Variants in SHANK1 observed in about 807,000 individuals in gnomAD.
SHANK1 encodes SH3 and multiple ankyrin repeat domains 1, also known as SH3 and multiple ankyrin repeat domains protein 1.
A neutral mutation model predicts 165.6 loss-of-function variants in SHANK1; 35 were observed. That is an observed-to-expected ratio of 0.21 (90% CI 0.16 to 0.28). The LOEUF (loss-of-function observed/expected upper bound fraction) is 0.28, where lower values mean the gene tolerates loss of function less well. SHANK1 is among the 10% of genes least tolerant of loss of function. The probability of loss-of-function intolerance (pLI) is 1.00; values close to 1 mark genes in which losing one functional copy is unlikely to be tolerated. For missense variants in SHANK1, 2,681 were observed against 3,036.4 expected (o/e 0.88, Z 2.75); for synonymous variants, 1,428 against 1,384.8 (o/e 1.03, Z -0.69).
At position 50,697,021 on chromosome 19, in the gene SHANK1, A is replaced by G. The variant is rs1986762369; in HGVS notation, c.1964+75T>C. On this transcript the variant is annotated intron_variant, in intron 15 of 23. Transcript: ENST00000293441. The surrounding 1 kb of genome is among the most constrained non-coding windows in gnomAD (Gnocchi z 4.7). ...AGAAACCTCAGCTCTGGTCGTGCAC[A>G]CACGTTCACACGCCCCCCAGGCACC... 8.1e-7 allele frequency: 1 copy of G among 1,231,134 alleles called. No homozygotes were observed. Among genetic ancestry groups the G allele is most frequent in the Non-Finnish European group, 1.2e-6 (1 of 834,688 alleles). 76.3% of individuals were successfully genotyped at this position (1,231,134 alleles called of 1,614,324 possible).
chr19:50,668,896 G>T lies in SHANK1; in HGVS notation c.3064C>A (p.His1022Asn). The T allele has an allele frequency of 7.6e-7, 1 of 1,313,060 alleles. No individual in the cohort carries two copies. The highest frequency in any genetic ancestry group is 9.7e-7 in the Non-Finnish European group (1 of 1,032,860). The allele number at this position is 1,313,060 out of a possible 1,614,324, so 81.3% of individuals were successfully genotyped here. The stretch of plus-strand genomic sequence containing the variant: ...CCGCCTGTCTCCATCTCGGGAGGAT[G>T]AGGGGGGTGGGCGTGGTGGTGGTGG... ...QPHHHHAHPP[H>N]PPEMETGGSP... The change falls in exon 23 of 24, where the codon CAT (histidine) becomes AAT (asparagine). Residue 1022 changes from histidine to asparagine, a missense_variant. By Grantham distance (68) the His-to-Asn change is moderately conservative (BLOSUM62 1). Coordinates refer to ENST00000293441, the MANE Select transcript of SHANK1 (RefSeq NM_016148.5).
Position 50,704,417 on chromosome 19 carries a change from C to A in SHANK1, c.1155+20G>T. ...TTCCTTAGCCCTGGAAACTCCAGCA[C>A]ATCCCCTGCAGCCCCAGACCTGGAA... On this transcript the variant is annotated intron_variant, in intron 9 of 23. Transcript: ENST00000293441. 6.2e-7 allele frequency: 1 copy of A among 1,611,818 alleles called. No homozygotes were observed. The highest frequency in any genetic ancestry group is 8.5e-7 in the Non-Finnish European group (1 of 1,177,944).
Position 50,668,856 on chromosome 19 carries a change from G to A in SHANK1, c.3104C>T (p.Pro1035Leu). 1.0e-5 allele frequency: 13 copies of A among 1,285,548 alleles called. No homozygotes were observed. In the South Asian group the frequency reaches 1.1e-4, roughly 11 times the overall value. 79.6% of individuals were successfully genotyped at this position (1,285,548 alleles called of 1,614,324 possible). ...GGGCCCCAGAGCCAGGCGGGGTGGA[G>A]GGTCGTCGGGAGAGCCGCCTGTCTC... ...EMETGGSPDD[P>L]PPRLALGPQP... The change falls in exon 23 of 24, where the codon CCT (proline) becomes CTT (leucine). Residue 1035 changes from proline to leucine, a missense_variant. Physicochemically the swap from Pro to Leu is moderately conservative, Grantham distance 98. Coordinates refer to ENST00000293441, the MANE Select transcript of SHANK1 (RefSeq NM_016148.5).
At chr19:50,695,263 G>T (rs866366492) in intron 15 of SHANK1, among the ~76,000 whole-genome samples, 11 of 146,300 alleles carry the variant, frequency 7.5e-5, no homozygotes, top group South Asian at 4.2e-4. Context: ...GGGCGCGGGG[G>T]CGCGGGGCGC....
intron 23 of SHANK1, among the ~76,000 whole-genome samples, chr19:50,663,449 C>T (rs1481173517): frequency 6.6e-6 from 1 of 152,188 alleles, no homozygotes; most frequent in Admixed American, 6.5e-5. Flanking sequence ...CAGCTGCTCC[C>T]TCTCCACTTT....
rs373751537 is a variant in SHANK1 at position 50,716,311 on chromosome 19, G to A, written c.423C>T (p.Tyr141=). The A allele has an allele frequency of 1.2e-6, 2 of 1,614,142 alleles. No individual in the cohort carries two copies. Among genetic ancestry groups the A allele is most frequent in the South Asian group, 1.1e-5 (1 of 91,084 alleles). The change falls in exon 3 of 24, where the codon TAC becomes TAT. Residue 141 remains tyrosine (Y), a synonymous_variant. Transcript: ENST00000293441. This position sits in a 1 kb window ranked among gnomAD's most constrained non-coding sequence, Gnocchi z 8.4. ...FLEEERLLRE[Y]PQSFEKGVPY... ...GGACCCCCTTCTCAAAGGACTGGGG[G>A]TACTCCCGCAGCAGCCTCTCCTCCT...
chr19:50,711,090 A>G (rs2089002802), intron 8 of SHANK1: 1 of 395,722 alleles, frequency 2.5e-6, no homozygotes. Context: ...GCAGCAAACT[A>G]TGTTGTCTGC....
intron 8 of SHANK1, among the ~76,000 whole-genome samples, chr19:50,704,999 G>A (rs1415567196): frequency 6.6e-5 from 10 of 151,942 alleles, no homozygotes. Context: ...AGGCTGCAGT[G>A]AGCTGAGATC....
chr19:50,702,713 C>T lies in SHANK1; in HGVS notation c.1554-53G>A, dbSNP rs1404845739. 1 of 1,151,028 alleles carries T rather than the reference C, an allele frequency of 8.7e-7. No individual in the cohort carries two copies. Among genetic ancestry groups the T allele is most frequent in the Non-Finnish European group, 1.2e-6 (1 of 836,856 alleles). 71.3% of individuals were successfully genotyped at this position (1,151,028 alleles called of 1,614,324 possible). A position where few individuals can be genotyped will look rare whatever the true frequency, so the allele number is the denominator to read the frequency against. On this transcript the variant is annotated intron_variant, in intron 11 of 23. Coordinates refer to ENST00000293441, the MANE Select transcript of SHANK1 (RefSeq NM_016148.5). The surrounding 1 kb of genome is among the most constrained non-coding windows in gnomAD (Gnocchi z 5.3). Reference sequence around the variant, plus strand: ...GGGAGGGTGGAGGGAGGGGACACCTCTGGGAGGACAGGGGTCCTTGGGTGG... The same window carrying T: ...GGGAGGGTGGAGGGAGGGGACACCTTTGGGAGGACAGGGGTCCTTGGGTGG...
rs1235697623 is a variant in SHANK1 at position 50,688,774 on chromosome 19, T to C, written c.2172+70A>G. On this transcript the variant is annotated intron_variant, in intron 17 of 23. Coordinates refer to ENST00000293441, the MANE Select transcript of SHANK1 (RefSeq NM_016148.5). This position sits in a 1 kb window ranked among gnomAD's most constrained non-coding sequence, Gnocchi z 6.7. ...AGAATAAAACTGGGCAGCCAGATCC[T>C]GGTGTGAATCATGAGGGGGTCTGGG... 14 of 1,513,788 alleles carry C rather than the reference T, an allele frequency of 9.2e-6. No individual in the cohort carries two copies. 93.8% of individuals were successfully genotyped at this position (1,513,788 alleles called of 1,614,324 possible).
rs181064780 is a variant in SHANK1 at position 50,670,204 on chromosome 19, C to T, written c.2675-919G>A. Among the ~76,000 whole-genome samples, 1 of 152,288 alleles carries T rather than the reference C, an allele frequency of 6.6e-6. No individual in the cohort carries two copies. The highest frequency in any genetic ancestry group is 2.4e-5 in the African/African-American group (1 of 41,544). ...CCCAGCCCACGGTCCCTCCCCACCA[C>T]CGCAGCAAACAGCAGCTCTGTCCTT... On this transcript the variant is annotated intron_variant, in intron 22 of 23. Transcript: ENST00000293441. This position sits in a 1 kb window ranked among gnomAD's most constrained non-coding sequence, Gnocchi z 4.1.
At position 50,668,537 on chromosome 19, in the gene SHANK1, C is replaced by G. The variant is rs568941289; in HGVS notation, c.3423G>C (p.Pro1141=). ...SPTSPASPQP[P]PAVAAPSEKN... Reference sequence around the variant, plus strand: ...TCTCCGAGGGCGCGGCCACGGCGGGCGGCGGCTGCGGGGAGGCCGGGGACG... The same window carrying G: ...TCTCCGAGGGCGCGGCCACGGCGGGGGGCGGCTGCGGGGAGGCCGGGGACG... The change falls in exon 23 of 24, where the codon CCG becomes CCC. Residue 1141 remains proline, a synonymous_variant. Transcript: ENST00000293441. 4 of 1,351,954 alleles carry G rather than the reference C, an allele frequency of 3.0e-6. No homozygotes were observed. In the South Asian group the frequency reaches 9.4e-5, roughly 32 times the overall value. 83.7% of individuals were successfully genotyped at this position (1,351,954 alleles called of 1,614,324 possible).
chr19:50,673,007 C>G (rs1390725794), intron 21 of SHANK1, among the ~76,000 whole-genome samples: 1 of 152,268 alleles, frequency 6.6e-6, no homozygotes, highest in South Asian at 2.1e-4. Flanking sequence ...CTGGGAGGGT[C>G]ACCTGCCTGC....
At chr19:50,669,477 G>A (rs1985711149) in intron 22 of SHANK1, among the ~76,000 whole-genome samples, 192 bp from the exon 23 acceptor site, 1 of 152,140 alleles carries the variant, frequency 6.6e-6, no homozygotes, top group South Asian at 2.1e-4. Flanking sequence ...GGTACAGGTT[G>A]TGCACTGCAC....
Position 50,661,680 on chromosome 19 carries a change from C to G in SHANK1, c.*285G>C. On this transcript the variant is annotated 3_prime_UTR_variant, in exon 24 of 24. Coordinates refer to ENST00000293441, the MANE Select transcript of SHANK1 (RefSeq NM_016148.5). ...TCTATCCCCTCCCCCCAGAATAGGC[C>G]CTTCCCTCCTTCTCAATTCCCCTCT... 4.3e-6 allele frequency: 2 copies of G among 463,128 alleles called. No individual in the cohort carries two copies. Among genetic ancestry groups the G allele is most frequent in the Non-Finnish European group, 7.9e-6 (2 of 254,280 alleles). 28.7% of individuals were successfully genotyped at this position (463,128 alleles called of 1,614,324 possible). A position where few individuals can be genotyped will look rare whatever the true frequency, so the allele number is the denominator to read the frequency against.
Position 50,716,997 on chromosome 19 carries a change from C to T in SHANK1, c.-43-35G>A. On this transcript the variant is annotated intron_variant, in intron 1 of 23. Coordinates refer to ENST00000293441, the MANE Select transcript of SHANK1 (RefSeq NM_016148.5). This position sits in a 1 kb window ranked among gnomAD's most constrained non-coding sequence, Gnocchi z 8.4. ...CCAAGGGCGGCCATCAGACTAGGAG[C>T]CCGGGACCCCTCAGAGGCCGCAGGC... The T allele has an allele frequency of 7.3e-7, 1 of 1,373,952 alleles. No homozygotes were observed. The allele number at this position is 1,373,952 out of a possible 1,614,324, so 85.1% of individuals were successfully genotyped here. A position where few individuals can be genotyped will look rare whatever the true frequency, so the allele number is the denominator to read the frequency against.
Position 50,697,561 on chromosome 19 carries a change from G to C in SHANK1, c.1937+28C>G. ...TGTGAAGGGAACTTGGGGTGAGGGG[G>C]GTTGCCCGAGGGTGTAAGGACATTT... On this transcript the variant is annotated intron_variant, in intron 14 of 23. Coordinates refer to ENST00000293441, the MANE Select transcript of SHANK1 (RefSeq NM_016148.5). The surrounding 1 kb of genome is among the most constrained non-coding windows in gnomAD (Gnocchi z 4.7). The C allele has an allele frequency of 6.4e-7, 1 of 1,560,944 alleles. No individual in the cohort carries two copies. Among genetic ancestry groups the C allele is most frequent in the Non-Finnish European group, 8.8e-7 (1 of 1,131,730 alleles).
rs1429782094 is a variant in SHANK1 at position 50,667,401 on chromosome 19, G to A, written c.4559C>T (p.Pro1520Leu). The change falls in exon 23 of 24, where the codon CCG (proline) becomes CTG (leucine). Residue 1520 changes from proline to leucine, a missense_variant. Physicochemically the swap from Pro to Leu is moderately conservative, Grantham distance 98. This residue lies in a region of SHANK1 where 1,713 missense variants were observed against 1,630.2 expected (regional missense o/e 1.05). Coordinates refer to ENST00000293441, the MANE Select transcript of SHANK1 (RefSeq NM_016148.5). This position sits in a 1 kb window ranked among gnomAD's most constrained non-coding sequence, Gnocchi z 5.7. ...GGGCACGGACCGGCGTGGGCTGGGCGGCGGGACCCCCGGCCCGTCCTCCGA... is the reference window on the plus strand; with the variant it reads ...GGGCACGGACCGGCGTGGGCTGGGCAGCGGGACCCCCGGCCCGTCCTCCGA... ...PPSEDGPGVP[P>L]PSPRRSVPPS... 2.6e-6 allele frequency: 4 copies of A among 1,521,124 alleles called. No individual in the cohort carries two copies. The highest frequency in any genetic ancestry group is 3.5e-6 in the Non-Finnish European group (4 of 1,141,040). 94.2% of individuals were successfully genotyped at this position (1,521,124 alleles called of 1,614,324 possible). A position where few individuals can be genotyped will look rare whatever the true frequency, so the allele number is the denominator to read the frequency against.
chr19:50,709,181 C>T (rs1599870849), intron 8 of SHANK1, among the ~76,000 whole-genome samples: 1 of 152,234 alleles, frequency 6.6e-6, no homozygotes, highest in South Asian at 2.1e-4. Flanking sequence ...CTCTATCACC[C>T]AGGCTGGAGT....
Sources: gnomAD v4.1 joint callset for allele counts (sites outside exome capture counted in the v4.1 genomes callset) on GRCh38, gnomAD v4.1.1 for gene constraint, gnomAD v4.1.1 regional missense constraint, Gnocchi (gnomAD v3.1) non-coding constraint, MANE v1.5 for transcripts, NCBI Gene and HGNC (gene_info 2026-07-23, HGNC 2026-07-21) for gene names.